RBPMS: variants seen among roughly 807,000 people sequenced by gnomAD.
The protein encoded by RBPMS is RNA binding protein, mRNA processing factor, also known as RNA-binding protein with multiple splicing.
A neutral mutation model predicts 26.8 loss-of-function variants in RBPMS; 7 were observed. That is an observed-to-expected ratio of 0.26 (90% CI 0.15 to 0.49). The LOEUF (loss-of-function observed/expected upper bound fraction) is 0.49. Among genes scored for constraint, RBPMS ranks in the 20% least tolerant of loss-of-function variants. The pLI is 0.98. For synonymous variants in RBPMS, 96 were observed against 93.3 expected, an observed-to-expected ratio of 1.03 and a Z score of -0.17; for missense variants, 186 against 250.0, an observed-to-expected ratio of 0.74 and a Z score of 1.73.
intron 1 of RBPMS, among the ~76,000 whole-genome samples, chr8:30,417,573 C>T (rs192070552): frequency 1.3e-5 from 2 of 152,302 alleles, no homozygotes; most frequent in Admixed American, 1.3e-4. Context: ...TAAACAATGC[C>T]ATGTACATTC....
chr8:30,423,930 C>G (rs867208348), intron 1 of RBPMS, among the ~76,000 whole-genome samples: 2 of 152,076 alleles, frequency 1.3e-5, no homozygotes, highest in Non-Finnish European at 2.9e-5. Flanking sequence ...CTCTGCCTCC[C>G]GGGTTCAAGC....
At chr8:30,445,825 A>T (rs1813697649) in intron 1 of RBPMS, among the ~76,000 whole-genome samples, 1 of 151,822 alleles carries the variant, frequency 6.6e-6, no homozygotes, top group African/African-American at 2.4e-5. Context: ...CACCACTCCC[A>T]GCTGATTTTT....
At chr8:30,457,499 A>G (rs527629916) in intron 1 of RBPMS, among the ~76,000 whole-genome samples, 7 of 152,072 alleles carry the variant, frequency 4.6e-5, no homozygotes, top group African/African-American at 1.4e-4. Flanking sequence ...TTTAATAGCA[A>G]TTGAAGCACT....
chr8:30,448,920 G>T (rs537790970), intron 1 of RBPMS, among the ~76,000 whole-genome samples: 1 of 152,168 alleles, frequency 6.6e-6, no homozygotes. Flanking sequence ...ATACCCATGG[G>T]GGGGAACTTT....
At chr8:30,473,162 T>C (rs1343228512) in intron 1 of RBPMS, among the ~76,000 whole-genome samples, 1 of 152,230 alleles carries the variant, frequency 6.6e-6, no homozygotes, top group African/African-American at 2.4e-5. Flanking sequence ...TGATGTTTTG[T>C]GTGTTTGACC....
At chr8:30,550,679 T>C (rs961251044) in intron 6 of RBPMS, among the ~76,000 whole-genome samples, 1 of 152,160 alleles carries the variant, frequency 6.6e-6, no homozygotes, top group South Asian at 2.1e-4. Context: ...CAGCACCGAT[T>C]GACAGCACCT....
intron 1 of RBPMS, among the ~76,000 whole-genome samples, chr8:30,436,293 A>ACTCC: frequency 6.6e-6 from 1 of 152,034 alleles, no homozygotes; most frequent in Non-Finnish European, 1.5e-5. Context: ...GACAGTTCCA[A>ACTCC]TGGTTGCACA....
intron 5 of RBPMS, among the ~76,000 whole-genome samples, chr8:30,543,512 G>A (rs1174336085): frequency 2.6e-5 from 4 of 152,172 alleles, no homozygotes; most frequent in Non-Finnish European, 2.9e-5. Flanking sequence ...GCTGACTCCC[G>A]TGTTAGTCCT....
At chr8:30,436,168 C>T (rs1812428583) in intron 1 of RBPMS, among the ~76,000 whole-genome samples, 1 of 151,404 alleles carries the variant, frequency 6.6e-6, no homozygotes, top group Non-Finnish European at 1.5e-5. Context: ...ACATCAGCCT[C>T]CTCCTTTAAT....
chr8:30,464,895 G>A lies in RBPMS; in HGVS notation c.67-9884G>A, dbSNP rs150315953. Among the ~76,000 whole-genome samples, 283 of 152,282 alleles carry A rather than the reference G, an allele frequency of 1.9e-3. 2 individuals are homozygous for A. The highest frequency in any genetic ancestry group is 6.5e-3 in the African/African-American group (270 of 41,558). On this transcript the variant is annotated intron_variant, in intron 1 of 8. Coordinates refer to ENST00000397323, the MANE Select transcript of RBPMS (RefSeq NM_001008710.3). ...ACTTCAGGGTACTTAGGGTGAAACC[G>A]TAAGGGCATGTACACCTTAGGGCAT...
intron 4 of RBPMS, among the ~76,000 whole-genome samples, chr8:30,494,353 A>C (rs1292292969): frequency 2.0e-5 from 3 of 152,244 alleles, no homozygotes; most frequent in African/African-American, 7.2e-5. Context: ...CCATTGGTTC[A>C]TATTTGGAAG....
chr8:30,466,929 C>T (rs568167281), intron 1 of RBPMS, among the ~76,000 whole-genome samples: 69 of 152,262 alleles, frequency 4.5e-4, no homozygotes, highest in African/African-American at 1.6e-3. Context: ...GTTAGTCAAT[C>T]CTTGGTGTCT....
rs2151100274 is a variant in RBPMS, at chr8:30,570,722, TATAATTA to T, written c.*202_*208del. 1 of 152,746 alleles carries T rather than the reference TATAATTA, an allele frequency of 6.5e-6. No homozygotes were observed. Among genetic ancestry groups the T allele is most frequent in the South Asian group, 2.1e-4 (1 of 4,832 alleles). 9.5% of individuals were successfully genotyped at this position (152,746 alleles called of 1,614,324 possible). On this transcript the variant is annotated 3_prime_UTR_variant, in exon 9 of 9. Transcript: ENST00000397323. ...CATCTGTTTTTCTCGAAGAAAAAAA[TATAATTA>T]ATAAAAATGTTTTACTCTTTTACAC...
chr8:30,479,338 C>A lies in RBPMS; in HGVS notation c.207C>A (p.Asp69Glu). Reference sequence around the variant, plus strand: ...AGCCTGTAGGTTTTGTCAGTTTTGACAGTCGCTCAGAAGCAGAGGCTGCAA... The same window carrying A: ...AGCCTGTAGGTTTTGTCAGTTTTGAAAGTCGCTCAGAAGCAGAGGCTGCAA... ...SKQPVGFVSF[D>E]SRSEAEAAKN... The change falls in exon 4 of 9, where the codon GAC becomes GAA. Residue 69 changes from aspartate to glutamate, a missense_variant. Transcript: ENST00000397323. 6.2e-7 allele frequency: 1 copy of A among 1,604,826 alleles called. No homozygotes were observed. The highest frequency in any genetic ancestry group is 8.5e-7 in the Non-Finnish European group (1 of 1,177,268).
At chr8:30,456,934 A>AACAAC (rs917879431) in intron 1 of RBPMS, among the ~76,000 whole-genome samples, 1 of 152,242 alleles carries the variant, frequency 6.6e-6, no homozygotes, top group African/African-American at 2.4e-5. Context: ...CACACAAAGA[A>AACAAC]ACAACAGAAC....
chr8:30,553,374 C>A (rs910931185), intron 6 of RBPMS: 7 of 152,194 alleles, frequency 4.6e-5, no homozygotes, highest in African/African-American at 1.7e-4. Flanking sequence ...GTAAGGAAGA[C>A]AATCTTTTTG....
intron 1 of RBPMS, among the ~76,000 whole-genome samples, chr8:30,393,928 T>C (rs1320035318): frequency 7.8e-6 from 1 of 127,982 alleles, no homozygotes; most frequent in Non-Finnish European, 1.6e-5. Context: ...AACTTGCATT[T>C]GTATTTCTCT....
intron 1 of RBPMS, among the ~76,000 whole-genome samples, chr8:30,392,352 G>C (rs544661463): frequency 2.6e-5 from 4 of 152,154 alleles, no homozygotes; most frequent in Non-Finnish European, 5.9e-5. Context: ...TGAACACACA[G>C]AGGCTTCAAA....
intron 6 of RBPMS, chr8:30,558,646 C>T: frequency 3.4e-6 from 2 of 589,252 alleles, no homozygotes; most frequent in Admixed American, 2.7e-5. Context: ...GAACCTCGGG[C>T]ACTTCTCGAG....
Sources: allele counts gnomAD v4.1 joint callset (sites outside exome capture counted in the v4.1 genomes callset), GRCh38; gene constraint gnomAD v4.1.1; transcripts MANE v1.5; gene names NCBI Gene and HGNC (gene_info 2026-07-23, HGNC 2026-07-21).